LDAH: variants seen among roughly 807,000 people sequenced by gnomAD.
The protein encoded by LDAH is lipid droplet-associated hydrolase.
LDAH carries 26 observed loss-of-function variants against 29.6 expected under a neutral mutation model. The observed-to-expected ratio is 0.88, with a 90% CI of 0.64 to 1.22. LDAH has a LOEUF of 1.22. Ranked by LOEUF, LDAH falls within the 50% of genes most tolerant of loss-of-function variation. The pLI, the probability that LDAH is intolerant of heterozygous loss-of-function variation, is 0.00. For synonymous variants in LDAH, 117 were observed against 133.0 expected, an observed-to-expected ratio of 0.88 and a Z score of 0.83; for missense variants, 344 against 387.3, an observed-to-expected ratio of 0.89 and a Z score of 0.94.
chr2:20,690,346 T>C (rs1558377495), intron 6 of LDAH, among the ~76,000 whole-genome samples: 2 of 152,250 alleles, frequency 1.3e-5, no homozygotes, highest in East Asian at 1.9e-4. Flanking sequence ...ACCTCCCGTA[T>C]GCTTATCTGA....
At chr2:20,777,464 G>A (rs1380138273) in intron 3 of LDAH, among the ~76,000 whole-genome samples, 5 of 151,926 alleles carry the variant, frequency 3.3e-5, no homozygotes, top group Admixed American at 6.6e-5. Context: ...TCACTCTGTC[G>A]CCCAGGCTGG....
intron 5 of LDAH, among the ~76,000 whole-genome samples, chr2:20,703,009 A>G (rs1346041042): frequency 6.6e-6 from 1 of 152,166 alleles, no homozygotes; most frequent in African/African-American, 2.4e-5. Flanking sequence ...TATTTTTAGT[A>G]GAGACAGGGT....
chr2:20,817,084 T>C (rs1429019505), intron 1 of LDAH, among the ~76,000 whole-genome samples: 3 of 152,154 alleles, frequency 2.0e-5, no homozygotes, highest in South Asian at 2.1e-4. Flanking sequence ...AGGGAAATTA[T>C]AGCAATAAAT....
chr2:20,712,965 T>G (rs1287806968), intron 5 of LDAH, among the ~76,000 whole-genome samples: 2 of 152,194 alleles, frequency 1.3e-5, no homozygotes, highest in African/African-American at 2.4e-5. Context: ...AAAACAGTCT[T>G]CAGGATATTA....
chr2:20,799,822 A>T (rs1253970861), intron 2 of LDAH, among the ~76,000 whole-genome samples: 5 of 152,220 alleles, frequency 3.3e-5, no homozygotes, highest in African/African-American at 1.2e-4. Flanking sequence ...CCAAAAGAAA[A>T]GAAGCTAAAG....
At position 20,774,946 on chromosome 2, in the gene LDAH, C is replaced by A. The variant is rs775969356; in HGVS notation, c.332G>T (p.Gly111Val). ...SNAQEIKDIY[G>V]LNGQIEHKLA... ...TTTGTGCTCTATTTGTCCATTTAGTCCATAAATGTCCTTAATTTCTTGAGC... is the reference window on the plus strand; with the variant it reads ...TTTGTGCTCTATTTGTCCATTTAGTACATAAATGTCCTTAATTTCTTGAGC... Residue 111 changes from glycine (G) to valine (V), a missense_variant, in exon 4 of 7, where the codon GGA becomes GTA. Physicochemically the swap from Gly to Val is moderately radical, Grantham distance 109. Transcript: ENST00000237822. The A allele has an allele frequency of 1.2e-6, 2 of 1,601,404 alleles. No homozygotes were observed. The highest frequency in any genetic ancestry group is 1.7e-6 in the Non-Finnish European group (2 of 1,170,806).
chr2:20,710,932 G>T (rs1664711089), intron 5 of LDAH, among the ~76,000 whole-genome samples: 2 of 151,832 alleles, frequency 1.3e-5, no homozygotes, highest in Non-Finnish European at 2.9e-5. Context: ...CTTTAAGAAG[G>T]GAGGATTATG....
Position 20,746,198 on chromosome 2 carries a change from G to T in LDAH, c.469-5993C>A, listed in dbSNP as rs578080865. 1.4e-3 allele frequency among the ~76,000 whole-genome samples: 219 copies of T among 152,284 alleles called. 4 individuals carry two copies. The South Asian group carries it at 0.042, about 29-fold the overall frequency. ...GAATGTACCACACAGATTCCAGACTGGTTATGTAACCCATAGTACATAAGG... is the reference window on the plus strand; with the variant it reads ...GAATGTACCACACAGATTCCAGACTTGTTATGTAACCCATAGTACATAAGG... On this transcript the variant is annotated intron_variant, in intron 4 of 6. Coordinates refer to ENST00000237822, the MANE Select transcript of LDAH (RefSeq NM_021925.4).
chr2:20,701,697 C>A (rs373990532), intron 5 of LDAH, 45 bp from the exon 6 acceptor site: 2 of 1,505,650 alleles, frequency 1.3e-6, no homozygotes, highest in Non-Finnish European at 1.8e-6. Flanking sequence ...ATATATAGAA[C>A]AAACACAAAT....
chr2:20,742,341 T>G (rs755260235), intron 4 of LDAH, among the ~76,000 whole-genome samples: 2 of 152,248 alleles, frequency 1.3e-5, no homozygotes, highest in Non-Finnish European at 2.9e-5. Flanking sequence ...TGAATTCAAC[T>G]AGGTCTTTAC....
At chr2:20,683,162 C>T (rs1385961893), downstream of LDAH, among the ~76,000 whole-genome samples, 1 of 152,192 alleles carries the variant, frequency 6.6e-6, no homozygotes, top group African/African-American at 2.4e-5. Context: ...CGGTCTTGCT[C>T]TAGAGATGCC....
chr2:20,766,980 T>G (rs961567769), intron 4 of LDAH, among the ~76,000 whole-genome samples: 1 of 152,188 alleles, frequency 6.6e-6, no homozygotes, highest in Non-Finnish European at 1.5e-5. Context: ...CCACCAGGCC[T>G]GACACTCCTG....
chr2:20,711,163 C>A (rs4971537), intron 5 of LDAH, among the ~76,000 whole-genome samples: 1 of 151,606 alleles, frequency 6.6e-6, no homozygotes, highest in Non-Finnish European at 1.5e-5. Context: ...CTGAGACGGG[C>A]GGATCACAAG....
At chr2:20,775,428 CT>C (rs1365078683) in intron 3 of LDAH, among the ~76,000 whole-genome samples, 1 of 152,168 alleles carries the variant, frequency 6.6e-6, no homozygotes, top group Non-Finnish European at 1.5e-5. Flanking sequence ...TTCAGTAGGT[CT>C]AGGCTGGGGC....
rs919100379 is a variant in LDAH at position 20,685,745 on chromosome 2, C to A, written c.*1158G>T. ...GATTGAGTCAATTTAGGGGAGGCAG[C>A]AATATTGTCAGCCCACTCTAGGCCA... On this transcript the variant is annotated 3_prime_UTR_variant, in exon 7 of 7. Coordinates refer to ENST00000237822, the MANE Select transcript of LDAH (RefSeq NM_021925.4). The A allele has an allele frequency of 5.5e-6, 8 of 1,453,870 alleles. No homozygotes were observed. Among genetic ancestry groups the A allele is most frequent in the Non-Finnish European group, 7.3e-6 (8 of 1,090,482 alleles). 90.1% of individuals were successfully genotyped at this position (1,453,870 alleles called of 1,614,324 possible).
chr2:20,741,008 T>A (rs930871833), intron 4 of LDAH, among the ~76,000 whole-genome samples: 3 of 152,242 alleles, frequency 2.0e-5, no homozygotes, highest in Admixed American at 2.0e-4. Flanking sequence ...TTAATTTACA[T>A]TTCTTTGATG....
chr2:20,754,296 T>G (rs747854697), intron 4 of LDAH, among the ~76,000 whole-genome samples: 1 of 151,744 alleles, frequency 6.6e-6, no homozygotes, highest in Non-Finnish European at 1.5e-5. Context: ...GAAACCAGCC[T>G]GGGCAACACG....
At chr2:20,813,682 T>C (rs953466486) in intron 1 of LDAH, among the ~76,000 whole-genome samples, 2 of 152,252 alleles carry the variant, frequency 1.3e-5, no homozygotes, top group African/African-American at 4.8e-5. Context: ...AATGTAATTC[T>C]TTTAGCGATG....
chr2:20,759,612 T>G (rs982233537), intron 4 of LDAH, among the ~76,000 whole-genome samples: 3 of 152,182 alleles, frequency 2.0e-5, no homozygotes, highest in African/African-American at 7.2e-5. Context: ...ATCACAATCA[T>G]ACTTCTCATC....
Sources: gnomAD v4.1 joint callset for allele counts (sites outside exome capture counted in the v4.1 genomes callset) on GRCh38, gnomAD v4.1.1 for gene constraint, MANE v1.5 for transcripts, NCBI Gene and HGNC (gene_info 2026-07-23, HGNC 2026-07-21) for gene names.